The following C1orf87 variants were observed in gnomAD, a reference collection of about 807,000 sequenced individuals.
C1orf87 encodes the protein chromosome 1 open reading frame 87, also known as uncharacterized protein C1orf87.
In C1orf87, 58 loss-of-function variants were observed where a neutral mutation model predicts 60.5. The observed-to-expected ratio is 0.96, with a 90% confidence interval of 0.78 to 1.19. The LOEUF (loss-of-function observed/expected upper bound fraction) is 1.19, where lower values mean the gene tolerates loss of function less well. Ranked by LOEUF, C1orf87 falls within the 50% of genes most tolerant of loss-of-function variation. The pLI, the probability that C1orf87 is intolerant of heterozygous loss-of-function variation, is 0.00. For synonymous variants in C1orf87, 236 were observed against 227.4 expected, an observed-to-expected ratio of 1.04 and a Z score of -0.34; for missense variants, 673 against 638.6, an observed-to-expected ratio of 1.05 and a Z score of -0.58.
At chr1:60,009,623 C>T (rs373070268) in intron 9 of C1orf87, among the ~76,000 whole-genome samples, 2 of 151,756 alleles carry the variant, frequency 1.3e-5, no homozygotes, top group Non-Finnish European at 2.9e-5. Context: ...TATTTAATCC[C>T]GGACACACAC....
At chr1:60,071,023 T>G (rs1645581058) in intron 2 of C1orf87, among the ~76,000 whole-genome samples, 1 of 152,148 alleles carries the variant, frequency 6.6e-6, no homozygotes, top group African/African-American at 2.4e-5. Context: ...AAACTAATTC[T>G]ATTTACTTTT....
rs1574307426 is a variant in C1orf87 at position 60,025,626 on chromosome 1, C to G, written c.1030-128G>C. ...ATATTATTTTGACAAAGAATTAATACCCAGGAGTACATTCTACCATTGAGG... is the reference window on the plus strand; with the variant it reads ...ATATTATTTTGACAAAGAATTAATAGCCAGGAGTACATTCTACCATTGAGG... On this transcript the variant is annotated intron_variant, in intron 7 of 11. Transcript: ENST00000371201. 27 of 680,134 alleles carry G rather than the reference C, an allele frequency of 4.0e-5. No individual in the cohort carries two copies. The East Asian group carries it at 8.0e-4, about 20-fold the overall frequency. 42.1% of individuals were successfully genotyped at this position (680,134 alleles called of 1,614,324 possible).
intron 2 of C1orf87, among the ~76,000 whole-genome samples, chr1:60,058,518 A>G (rs1645472488): frequency 6.6e-6 from 1 of 152,242 alleles, no homozygotes. Flanking sequence ...ATGGTTTGCA[A>G]TGTTTACATA....
intron 4 of C1orf87, 89 bp downstream of exon 4, chr1:60,040,902 A>C: frequency 2.8e-6 from 4 of 1,422,224 alleles, no homozygotes; most frequent in Non-Finnish European, 3.8e-6. Context: ...CCTCAGACCA[A>C]CTTATCTTCT....
At chr1:60,025,587 C>T (rs910602725) in intron 7 of C1orf87, 89 bp from the exon 8 acceptor site, 1 of 1,007,162 alleles carries the variant, frequency 9.9e-7, no homozygotes, top group South Asian at 1.7e-5. Context: ...TGTTTTTTCT[C>T]ATAATTGGAA....
At chr1:60,057,320 A>G (rs1315730022) in intron 2 of C1orf87, among the ~76,000 whole-genome samples, 1 of 152,144 alleles carries the variant, frequency 6.6e-6, no homozygotes, top group African/African-American at 2.4e-5. Flanking sequence ...GCTAGACTGA[A>G]GTGGATTGAA....
intron 11 of C1orf87, among the ~76,000 whole-genome samples, chr1:59,991,658 T>C (rs1042059145): frequency 6.6e-6 from 1 of 152,204 alleles, no homozygotes; most frequent in East Asian, 1.9e-4. Context: ...CAATCACAGG[T>C]GAAGCATCTA....
intron 2 of C1orf87, among the ~76,000 whole-genome samples, chr1:60,062,802 A>C (rs1030120369): frequency 1.3e-5 from 2 of 152,164 alleles, no homozygotes; most frequent in African/African-American, 2.4e-5. Context: ...AACTATATAG[A>C]ATTCAAATGG....
intron 3 of C1orf87, among the ~76,000 whole-genome samples, chr1:60,042,975 G>T (rs373430807): frequency 3.9e-4 from 59 of 152,302 alleles, no homozygotes; most frequent in African/African-American, 1.3e-3. Flanking sequence ...CTAAATCTAG[G>T]CTTGCAACAT....
At chr1:60,000,967 G>A (rs1308403773) in intron 10 of C1orf87, 110 bp downstream of exon 10, 4 of 866,114 alleles carry the variant, frequency 4.6e-6, no homozygotes, top group South Asian at 1.6e-5. Flanking sequence ...TGACATCAAG[G>A]GTTTGGGAGA....
Position 60,043,171 on chromosome 1 carries a change from G to A in C1orf87, c.343-2040C>T, listed in dbSNP as rs112416146. ...GGCAAAAGATAAGCCTGGAGAGAGA[G>A]AGGCAGGAGAAAGGCAATGAATTAC... is the stretch of plus-strand genomic sequence containing the variant. On this transcript the variant is annotated intron_variant, in intron 3 of 11. Transcript: ENST00000371201. Among the ~76,000 whole-genome samples, 846 of 152,300 alleles carry A rather than the reference G, an allele frequency of 5.6e-3. 4 individuals carry two copies. Among genetic ancestry groups the A allele is most frequent in the Middle Eastern group, 0.024 (7 of 294 alleles).
chr1:60,064,734 T>G (rs1380568765), intron 2 of C1orf87, among the ~76,000 whole-genome samples: 1 of 95,418 alleles, frequency 1.0e-5, no homozygotes, highest in African/African-American at 4.2e-5. Flanking sequence ...TTAAATATAT[T>G]TAAATAGAAT....
At chr1:60,031,137 C>T (rs1036485924) in intron 7 of C1orf87, among the ~76,000 whole-genome samples, 2 of 152,110 alleles carry the variant, frequency 1.3e-5, no homozygotes, top group Admixed American at 1.3e-4. Flanking sequence ...ACAAAAAACC[C>T]CTTTAACTCA....
chr1:60,039,772 A>G (rs1645305354), intron 5 of C1orf87, 145 bp downstream of exon 5: 1 of 904,036 alleles, frequency 1.1e-6, no homozygotes, highest in Non-Finnish European at 1.7e-6. Context: ...ATTTCTACAC[A>G]TGAATATAAA....
chr1:60,045,873 T>A (rs1449268142), intron 3 of C1orf87, among the ~76,000 whole-genome samples: 1 of 152,214 alleles, frequency 6.6e-6, no homozygotes, highest in Non-Finnish European at 1.5e-5. Context: ...GAATGAGGAC[T>A]CTTTTTAAAT....
intron 10 of C1orf87, among the ~76,000 whole-genome samples, chr1:60,000,711 T>G (rs1644996990): frequency 6.6e-6 from 1 of 152,046 alleles, no homozygotes; most frequent in South Asian, 2.1e-4. Context: ...GAAGTTGGAA[T>G]TAAGATGTTA....
chr1:60,046,781 T>G (rs560255595), intron 3 of C1orf87, among the ~76,000 whole-genome samples: 19 of 152,282 alleles, frequency 1.2e-4, no homozygotes, highest in African/African-American at 4.6e-4. Flanking sequence ...TCTGCCCCTT[T>G]CATCATTATT....
At chr1:60,022,263 G>T (rs1645169023) in intron 8 of C1orf87, among the ~76,000 whole-genome samples, 1 of 151,978 alleles carries the variant, frequency 6.6e-6, no homozygotes, top group African/African-American at 2.4e-5. Flanking sequence ...ACAGAGTTCA[G>T]TTAGGAGGTT....
At chr1:60,013,671 G>GTA (rs1407867478) in intron 8 of C1orf87, among the ~76,000 whole-genome samples, 2 of 149,716 alleles carry the variant, frequency 1.3e-5, no homozygotes, top group Non-Finnish European at 3.0e-5. Context: ...GTTTTGTAGT[G>GTA]TATATTTGCT....
Sources: gnomAD v4.1 joint callset for allele counts (sites outside exome capture counted in the v4.1 genomes callset) on GRCh38, gnomAD v4.1.1 for gene constraint, MANE v1.5 for transcripts, NCBI Gene and HGNC (gene_info 2026-07-23, HGNC 2026-07-21) for gene names.